The following ANO1 variants were observed in gnomAD, a reference collection of about 807,000 sequenced individuals.
ANO1 encodes the protein anoctamin 1.
ANO1 carries 59 observed loss-of-function variants against 124.0 expected under a neutral mutation model. That is an observed-to-expected ratio of 0.48 (90% CI 0.39 to 0.59). The LOEUF is 0.59. Among genes scored for constraint, ANO1 ranks in the 20% least tolerant of loss-of-function variants. The pLI is 0.00. For missense variants in ANO1, 1,059 were observed against 1,328.0 expected, an observed-to-expected ratio of 0.80 and a Z score of 3.15; for synonymous variants, 529 against 532.0, an observed-to-expected ratio of 0.99 and a Z score of 0.08.
intron 1 of ANO1, among the ~76,000 whole-genome samples, chr11:70,012,614 C>T (rs868964658): frequency 2.0e-5 from 3 of 148,444 alleles, no homozygotes; most frequent in South Asian, 2.2e-4. Flanking sequence ...ATTCATCCAT[C>T]CCCTTTGTCT....
At chr11:69,969,768 GA>G in the ANO1 span, among the ~76,000 whole-genome samples, 1 of 152,092 alleles carries the variant, frequency 6.6e-6, no homozygotes, top group Non-Finnish European at 1.5e-5. Context: ...CCAATATGGT[GA>G]AACCCCGTCT....
intron 1 of ANO1, among the ~76,000 whole-genome samples, chr11:69,987,401 GT>G (rs1434602437): frequency 2.0e-5 from 3 of 152,178 alleles, no homozygotes; most frequent in Non-Finnish European, 4.4e-5. Context: ...GTGCTACCCT[GT>G]AAAGGGGTGT....
At chr11:70,115,274 G>C (rs1367676603) in intron 7 of ANO1, among the ~76,000 whole-genome samples, 1 of 152,270 alleles carries the variant, frequency 6.6e-6, no homozygotes, top group Admixed American at 6.5e-5. Flanking sequence ...GCACTGGACA[G>C]ACCCCCAGGA....
At position 70,132,225 on chromosome 11, in the gene ANO1, CCT is replaced by C. The variant is rs923017002; in HGVS notation, c.1258+147_1258+148del. 3.9e-5 allele frequency: 44 copies of C among 1,140,052 alleles called. No homozygotes were observed. In the African/African-American group the frequency reaches 5.9e-4, roughly 15 times the overall value. 70.6% of individuals were successfully genotyped at this position (1,140,052 alleles called of 1,614,324 possible). Reference sequence around the variant, plus strand: ...GGGAAGGGGGCTGGTGGAAACGACCCCTGTTTTGTGTTCAGGTTACTGGGGTG... The same window carrying C: ...GGGAAGGGGGCTGGTGGAAACGACCCGTTTTGTGTTCAGGTTACTGGGGTG... On this transcript the variant is annotated intron_variant, in intron 11 of 25. Transcript: ENST00000355303.
chr11:70,121,850 TCTCTGTCTCTCCATCTGC>T (rs2046294453), intron 8 of ANO1, among the ~76,000 whole-genome samples: 1 of 52,922 alleles, frequency 1.9e-5, no homozygotes, highest in Non-Finnish European at 4.0e-5. Context: ...TGTCTCTCTA[TCTCTGTCTCTCCATCTGC>T]CTCTGTCTCT....
chr11:70,101,111 G>T (rs2045252410), intron 2 of ANO1, among the ~76,000 whole-genome samples: 1 of 151,984 alleles, frequency 6.6e-6, no homozygotes, highest in South Asian at 2.1e-4. Flanking sequence ...GATGAAGCTG[G>T]GGTGTCAAGG....
At position 70,174,225 on chromosome 11, in the gene ANO1, A is replaced by C. The variant is rs186794146; in HGVS notation, c.2350+3186A>C. ...AGTGCTGGGATTACAGGCGTGAGCC[A>C]CCGTGCCTGGCCAAGCCATTTTTAA... On this transcript the variant is annotated intron_variant, in intron 22 of 25. Transcript: ENST00000355303. Among the ~76,000 whole-genome samples the C allele has an allele frequency of 5.9e-4, 89 of 151,460 alleles. 1 individual carries two copies. In the East Asian group the frequency reaches 0.015, roughly 26 times the overall value.
intron 1 of ANO1, among the ~76,000 whole-genome samples, chr11:70,044,549 A>G (rs1416986820): frequency 6.6e-6 from 1 of 152,156 alleles, no homozygotes; most frequent in Admixed American, 6.5e-5. Context: ...TCCAAATGGA[A>G]ATAAATAATG....
At chr11:70,032,281 G>A (rs995158828) in intron 1 of ANO1, among the ~76,000 whole-genome samples, 2 of 152,196 alleles carry the variant, frequency 1.3e-5, no homozygotes, top group African/African-American at 4.8e-5. Flanking sequence ...ACGGACTGCA[G>A]GCCCAGGGCT....
At chr11:70,091,865 A>G (rs769245280) in intron 2 of ANO1, among the ~76,000 whole-genome samples, 1 of 152,224 alleles carries the variant, frequency 6.6e-6, no homozygotes, top group Non-Finnish European at 1.5e-5. Context: ...GTGTTGAGAC[A>G]TCTTGTGACA....
At chr11:70,005,760 C>G (rs572459180) in intron 1 of ANO1, among the ~76,000 whole-genome samples, 17 of 152,144 alleles carry the variant, frequency 1.1e-4, no homozygotes, top group South Asian at 4.2e-4. Flanking sequence ...GACAGTCCAG[C>G]CTTTAAAGTG....
intron 1 of ANO1, chr11:70,085,660 A>G (rs2044345276): frequency 2.0e-6 from 3 of 1,488,716 alleles, no homozygotes; most frequent in Non-Finnish European, 2.7e-6. Context: ...TGACATCAAC[A>G]CCTATGAAAG....
rs1307742750 is a variant in ANO1 at position 70,117,228 on chromosome 11, G to A, written c.897+729G>A. Among the ~76,000 whole-genome samples, 5 of 150,340 alleles carry A rather than the reference G, an allele frequency of 3.3e-5. 1 individual carries two copies. In the South Asian group the frequency reaches 6.4e-4, roughly 19 times the overall value. ...TTGGATTACAGGTGCCTGCCAGCAG[G>A]CCCAGATGATTTTTGTATTTTTAGT... On this transcript the variant is annotated intron_variant, in intron 8 of 25. Coordinates refer to ENST00000355303, the MANE Select transcript of ANO1 (RefSeq NM_018043.7).
chr11:70,116,553 T>A (rs892315231), intron 8 of ANO1, 54 bp downstream of exon 8: 14 of 1,537,722 alleles, frequency 9.1e-6, no homozygotes, highest in African/African-American at 1.4e-5. Context: ...GGAGGCGTTC[T>A]GGGGCGGGGT....
intron 23 of ANO1, 125 bp downstream of exon 23, chr11:70,180,181 C>T (rs2135826213): frequency 1.2e-6 from 1 of 863,132 alleles, no homozygotes; most frequent in South Asian, 1.4e-5. Context: ...CCCCAGGCTG[C>T]CCGGATTCTC....
chr11:70,057,962 T>G (rs1857478916), intron 1 of ANO1, among the ~76,000 whole-genome samples: 1 of 152,118 alleles, frequency 6.6e-6, no homozygotes, highest in Non-Finnish European at 1.5e-5. Flanking sequence ...GGAGAGATAA[T>G]GGGCGATGTT....
At chr11:70,125,119 G>T (rs1390578219) in intron 9 of ANO1, among the ~76,000 whole-genome samples, 2 of 152,066 alleles carry the variant, frequency 1.3e-5, no homozygotes, top group African/African-American at 2.4e-5. Context: ...GAGGCAGGTG[G>T]ATTACTTGAG....
intron 1 of ANO1, among the ~76,000 whole-genome samples, chr11:70,080,501 A>G (rs746245888): frequency 1.3e-5 from 2 of 152,194 alleles, no homozygotes; most frequent in Non-Finnish European, 2.9e-5. Context: ...TGATGGAGAA[A>G]TGGATGCTCT....
In ANO1 at chr11:70,103,114, G is replaced by A. The variant is rs189440061; in HGVS notation, c.490G>A (p.Val164Met). The A allele has an allele frequency of 7.0e-5, 113 of 1,613,098 alleles. No homozygotes were observed. The Middle Eastern group carries it at 9.9e-4, about 14-fold the overall frequency. Residue 164 changes from valine (V) to methionine (M), a missense_variant, in exon 3 of 26, where the codon GTG becomes ATG. Transcript: ENST00000355303. ...TGTGAAAATCCATGCCCCCTGGAACGTGCTGTGCAGAGAGGCCGAGTTTCT... is the reference window on the plus strand; with the variant it reads ...TGTGAAAATCCATGCCCCCTGGAACATGCTGTGCAGAGAGGCCGAGTTTCT... The part of the protein sequence containing the change: ...GFVKIHAPWN[V>M]LCREAEFLKL...
Sources: allele counts gnomAD v4.1 joint callset (sites outside exome capture counted in the v4.1 genomes callset), GRCh38; gene constraint gnomAD v4.1.1; transcripts MANE v1.5; gene names NCBI Gene and HGNC (gene_info 2026-07-23, HGNC 2026-07-21).